The following KCTD7 variants were observed in gnomAD, a reference collection of about 807,000 sequenced individuals.
KCTD7 encodes BTB/POZ domain-containing protein KCTD7.
A neutral mutation model predicts 27.0 loss-of-function variants in KCTD7; 15 were observed. The observed-to-expected ratio is 0.56, with a 90% CI of 0.37 to 0.86. The LOEUF is 0.86. Among genes scored for constraint, KCTD7 ranks in the 40% least tolerant of loss-of-function variants. The pLI is 0.00. For missense variants in KCTD7, 299 were observed against 398.9 expected (o/e 0.75, Z 2.13); for synonymous variants, 159 against 162.7 (o/e 0.98, Z 0.17).
Position 66,642,470 on chromosome 7 carries a change from G to GT in KCTD7, c.*3239dup, listed in dbSNP as rs1329665047. The GT allele has an allele frequency of 2.0e-6, 2 of 985,332 alleles. No homozygotes were observed. Among genetic ancestry groups the GT allele is most frequent in the East Asian group, 2.3e-4 (2 of 8,830 alleles). 61.0% of individuals were successfully genotyped at this position (985,332 alleles called of 1,614,324 possible). A position where few individuals can be genotyped will look rare whatever the true frequency, so the allele number is the denominator to read the frequency against. ...AAGTGACATTTATAAGACACAGGCGGTGTGAGCATCCATGTGTGGTCTTGG... is the reference window on the plus strand; with the variant it reads ...AAGTGACATTTATAAGACACAGGCGGTTGTGAGCATCCATGTGTGGTCTTGG... On this transcript the variant is annotated 3_prime_UTR_variant, in exon 4 of 4. Coordinates refer to ENST00000639828, the MANE Select transcript of KCTD7 (RefSeq NM_153033.5).
In KCTD7 at chr7:66,639,239, C is replaced by T; in HGVS notation, c.*7C>T. The T allele has an allele frequency of 6.2e-7, 1 of 1,609,182 alleles. No homozygotes were observed. Among genetic ancestry groups the T allele is most frequent in the Non-Finnish European group, 8.5e-7 (1 of 1,179,986 alleles). On this transcript the variant is annotated 3_prime_UTR_variant, in exon 4 of 4. Coordinates refer to ENST00000639828, the MANE Select transcript of KCTD7 (RefSeq NM_153033.5). ...CAAGATCACATGGTGGTGAGTAGCC[C>T]CGGTAGGCGAGAGTCCCATCAGGGA... is the stretch of plus-strand genomic sequence containing the variant.
At chr7:66,634,096 ATATG>A (rs1224816007) in intron 2 of KCTD7, among the ~76,000 whole-genome samples, 3 of 136,782 alleles carry the variant, frequency 2.2e-5, no homozygotes, top group Non-Finnish European at 4.6e-5. Flanking sequence ...ATATATGTAT[ATATG>A]GGTGTGTGTA....
In KCTD7 at chr7:66,638,341, G is replaced by A. The variant is rs781725855; in HGVS notation, c.403G>A (p.Gly135Arg). 82 of 1,614,098 alleles carry A rather than the reference G, an allele frequency of 5.1e-5. No homozygotes were observed. The highest frequency in any genetic ancestry group is 1.6e-4 in the Middle Eastern group (1 of 6,084). ...CAAAGAGGCCCAGTACTATGCCATCGGGCCCCTCCTGGAGCAGCTGGAGAA... is the reference window on the plus strand; with the variant it reads ...CAAAGAGGCCCAGTACTATGCCATCAGGCCCCTCCTGGAGCAGCTGGAGAA... Reference protein sequence around the residue: ...VYKEAQYYAIGPLLEQLENMQ... With the variant: ...VYKEAQYYAIRPLLEQLENMQ... Residue 135 changes from glycine (G) to arginine (R), a missense_variant, in exon 3 of 4, where the codon GGG becomes AGG. Gly to Arg is a moderately radical substitution (Grantham distance 125). Transcript: ENST00000639828.
Position 66,641,700 on chromosome 7 carries a change from T to C in KCTD7, c.*2468T>C. 6 of 985,434 alleles carry C rather than the reference T, an allele frequency of 6.1e-6. No individual in the cohort carries two copies. The highest frequency in any genetic ancestry group is 7.2e-6 in the Non-Finnish European group (6 of 829,928). The allele number at this position is 985,434 out of a possible 1,614,324, so 61.0% of individuals were successfully genotyped here. A position where few individuals can be genotyped will look rare whatever the true frequency, so the allele number is the denominator to read the frequency against. ...ACACTGGGCAGCAAGCTGAGAGCTC[T>C]TTCTAAATGGAGTGAAGGAATTCAG... On this transcript the variant is annotated 3_prime_UTR_variant, in exon 4 of 4. Coordinates refer to ENST00000639828, the MANE Select transcript of KCTD7 (RefSeq NM_153033.5).
At chr7:66,637,931 C>A (rs1239500461) in intron 2 of KCTD7, among the ~76,000 whole-genome samples, 1 of 152,086 alleles carries the variant, frequency 6.6e-6, no homozygotes, top group East Asian at 1.9e-4. Flanking sequence ...TTCCATTATA[C>A]TTACATATAC....
In KCTD7 at chr7:66,640,351, C is replaced by T. The variant is rs1270767504; in HGVS notation, c.*1119C>T. On this transcript the variant is annotated 3_prime_UTR_variant, in exon 4 of 4. Coordinates refer to ENST00000639828, the MANE Select transcript of KCTD7 (RefSeq NM_153033.5). The stretch of plus-strand genomic sequence containing the variant: ...TCACTTCTTTATATTTTGTTTTACT[C>T]CTCACTCCTGTATATTTTGGTTTAC... The T allele has an allele frequency of 4.6e-6, 7 of 1,536,426 alleles. No homozygotes were observed. The African/African-American group carries it at 6.9e-5, about 15-fold the overall frequency.
chr7:66,634,134 A>ATATATATATATATATATG (rs997286181), intron 2 of KCTD7, among the ~76,000 whole-genome samples: 1 of 145,666 alleles, frequency 6.9e-6, no homozygotes, highest in African/African-American at 2.5e-5. Context: ...ATATATATAT[A>ATATATATATATATATATG]TATGTATATA....
Position 66,640,666 on chromosome 7 carries a change from T to C in KCTD7, c.*1434T>C. 7.6e-7 allele frequency: 1 copy of C among 1,313,132 alleles called. No homozygotes were observed. The highest frequency in any genetic ancestry group is 1.8e-5 in the South Asian group (1 of 54,596). The allele number at this position is 1,313,132 out of a possible 1,614,324, so 81.3% of individuals were successfully genotyped here. Reference sequence around the variant, plus strand: ...GAACATGTCTGTAGTCCCAGCTACTTGGGCACACGCCTGTAGTCCAGGCCA... The same window carrying C: ...GAACATGTCTGTAGTCCCAGCTACTCGGGCACACGCCTGTAGTCCAGGCCA... On this transcript the variant is annotated 3_prime_UTR_variant, in exon 4 of 4. Transcript: ENST00000639828.
chr7:66,629,154 G>C lies in KCTD7; in HGVS notation c.90G>C (p.Pro30=), dbSNP rs1584392851. 6.5e-7 allele frequency: 1 copy of C among 1,527,232 alleles called. No individual in the cohort carries two copies. The highest frequency in any genetic ancestry group is 8.8e-7 in the Non-Finnish European group (1 of 1,138,342). 94.6% of individuals were successfully genotyped at this position (1,527,232 alleles called of 1,614,324 possible). A position where few individuals can be genotyped will look rare whatever the true frequency, so the allele number is the denominator to read the frequency against. ...ACGCCGAAGACGACTTTCTGGAGCC[G>C]GCCACGCCGACGGCCACGCAGGCGG... ...SSDAEDDFLE[P]ATPTATQAGH... Residue 30 remains proline (P), a synonymous_variant, in exon 1 of 4, where the codon CCG becomes CCC. Transcript: ENST00000639828.
rs1198816829 is a variant in KCTD7 at position 66,640,086 on chromosome 7, A to G, written c.*854A>G. Reference sequence around the variant, plus strand: ...CATGTAACATCCTTTTTAGAGGCTCAGAACACCTCCTTGGCTGCTATCTCA... The same window carrying G: ...CATGTAACATCCTTTTTAGAGGCTCGGAACACCTCCTTGGCTGCTATCTCA... On this transcript the variant is annotated 3_prime_UTR_variant, in exon 4 of 4. Coordinates refer to ENST00000639828, the MANE Select transcript of KCTD7 (RefSeq NM_153033.5). 2.3e-6 allele frequency: 3 copies of G among 1,294,794 alleles called. No individual in the cohort carries two copies. Among genetic ancestry groups the G allele is most frequent in the Middle Eastern group, 2.9e-4 (1 of 3,478 alleles). The allele number at this position is 1,294,794 out of a possible 1,614,324, so 80.2% of individuals were successfully genotyped here. A position where few individuals can be genotyped will look rare whatever the true frequency, so the allele number is the denominator to read the frequency against.
chr7:66,641,404 C>T lies in KCTD7; in HGVS notation c.*2172C>T, dbSNP rs1185582263. 3.0e-6 allele frequency: 3 copies of T among 985,408 alleles called. No homozygotes were observed. The highest frequency in any genetic ancestry group is 5.2e-4 in the Middle Eastern group (1 of 1,914). The allele number at this position is 985,408 out of a possible 1,614,324, so 61.0% of individuals were successfully genotyped here. A position where few individuals can be genotyped will look rare whatever the true frequency, so the allele number is the denominator to read the frequency against. On this transcript the variant is annotated 3_prime_UTR_variant, in exon 4 of 4. Transcript: ENST00000639828. ...AATGTGGCCTTGACCCCTTCTGCTT[C>T]CCCCTTCTCCCATGGAGCATGGCAG...
rs200907176 is a variant in KCTD7, at chr7:66,638,879, A to C, written c.517A>C (p.Ile173Leu). ...YKDHLERIVE[I>L]ARLRAVQRKA... Reference sequence around the variant, plus strand: ...AGACCACTTGGAGCGGATTGTGGAGATCGCCCGGCTGCGTGCGGTCCAGCG... The same window carrying C: ...AGACCACTTGGAGCGGATTGTGGAGCTCGCCCGGCTGCGTGCGGTCCAGCG... The change falls in exon 4 of 4, where the codon ATC becomes CTC. Residue 173 changes from isoleucine to leucine, a missense_variant. Coordinates refer to ENST00000639828, the MANE Select transcript of KCTD7 (RefSeq NM_153033.5). 7 of 1,614,006 alleles carry C rather than the reference A, an allele frequency of 4.3e-6. No homozygotes were observed. In the Admixed American group the frequency reaches 1.0e-4, roughly 23 times the overall value.
chr7:66,633,475 A>G (rs1786503670), intron 2 of KCTD7, 31 bp downstream of exon 2: 1 of 1,610,446 alleles, frequency 6.2e-7, no homozygotes, highest in Non-Finnish European at 8.5e-7. Context: ...TCAACTTTGT[A>G]GTCCTAGCAG....
At chr7:66,630,339 C>G (rs1423545147) in intron 1 of KCTD7, among the ~76,000 whole-genome samples, 2 of 152,040 alleles carry the variant, frequency 1.3e-5, no homozygotes, top group African/African-American at 4.8e-5. Flanking sequence ...ACTTGTAATC[C>G]CAGCACTTTG....
chr7:66,640,832 AAAATAAATAAAT>A lies in KCTD7; in HGVS notation c.*1613_*1624del. The A allele has an allele frequency of 5.1e-6, 5 of 976,108 alleles. No homozygotes were observed. Among genetic ancestry groups the A allele is most frequent in the Non-Finnish European group, 6.1e-6 (5 of 820,946 alleles). The allele number at this position is 976,108 out of a possible 1,614,324, so 60.5% of individuals were successfully genotyped here. Reference sequence around the variant, plus strand: ...CTCCAGCCTGGGCAACACCATCGTAAAAATAAATAAATAAATAAATAAATTGGGGAGGACAGC... The same window carrying A: ...CTCCAGCCTGGGCAACACCATCGTAAAAATAAATAAATTGGGGAGGACAGC... On this transcript the variant is annotated 3_prime_UTR_variant, in exon 4 of 4. Coordinates refer to ENST00000639828, the MANE Select transcript of KCTD7 (RefSeq NM_153033.5).
Position 66,641,369 on chromosome 7 carries a change from T to C in KCTD7, c.*2137T>C, listed in dbSNP as rs138958447. ...ACAGAGAGCAGTTCATTAAGCCCAT[T>C]GCTTTCAGTAATGTGGCCTTGACCC... On this transcript the variant is annotated 3_prime_UTR_variant, in exon 4 of 4. Transcript: ENST00000639828. The C allele has an allele frequency of 5.8e-5, 57 of 985,434 alleles. No individual in the cohort carries two copies. The East Asian group carries it at 5.6e-3, about 96-fold the overall frequency. The allele number at this position is 985,434 out of a possible 1,614,324, so 61.0% of individuals were successfully genotyped here. A position where few individuals can be genotyped will look rare whatever the true frequency, so the allele number is the denominator to read the frequency against.
rs773209661 is a variant in KCTD7 at position 66,638,403 on chromosome 7, G to A, written c.465G>A (p.Ala155=). The change falls in exon 3 of 4, where the codon GCG becomes GCA. Residue 155 remains alanine, a synonymous_variant. Transcript: ENST00000639828. The stretch of plus-strand genomic sequence containing the variant: ...TGAAGGGCGAGAAGGTGCGCCAAGC[G>A]TTTCTGGGACTCATGCCCTATTACA... ...QPLKGEKVRQ[A]FLGLMPYYKD... is the part of the protein sequence containing the mutation. The A allele has an allele frequency of 2.5e-6, 4 of 1,614,094 alleles. No individual in the cohort carries two copies. The highest frequency in any genetic ancestry group is 2.2e-5 in the East Asian group (1 of 44,898).
chr7:66,634,998 A>G (rs1383278058), intron 2 of KCTD7, among the ~76,000 whole-genome samples: 3 of 145,644 alleles, frequency 2.1e-5, no homozygotes, highest in African/African-American at 7.6e-5. Context: ...CCAGGGCAAC[A>G]GAGTGAGACT....
rs1372458121 is a variant in KCTD7, at chr7:66,641,182, C to T, written c.*1950C>T. The T allele has an allele frequency of 6.1e-6, 6 of 985,234 alleles. No individual in the cohort carries two copies. Among genetic ancestry groups the T allele is most frequent in the East Asian group, 2.3e-4 (2 of 8,822 alleles). The allele number at this position is 985,234 out of a possible 1,614,324, so 61.0% of individuals were successfully genotyped here. A position where few individuals can be genotyped will look rare whatever the true frequency, so the allele number is the denominator to read the frequency against. On this transcript the variant is annotated 3_prime_UTR_variant, in exon 4 of 4. Transcript: ENST00000639828. ...CGTACACAAAGGGATAGTCTCTTTT[C>T]TGGAGCTGATGTCCCTGCTTGGAGG...
Sources: allele counts gnomAD v4.1 joint callset (sites outside exome capture counted in the v4.1 genomes callset), GRCh38; gene constraint gnomAD v4.1.1; transcripts MANE v1.5; gene names NCBI Gene and HGNC (gene_info 2026-07-23, HGNC 2026-07-21).